The following SOX5 variants were observed in gnomAD, a reference collection of about 807,000 sequenced individuals.
SOX5 encodes transcription factor SOX-5.
A neutral mutation model predicts 92.0 loss-of-function variants in SOX5; 9 were observed. That is an observed-to-expected ratio of 0.10 (90% confidence interval 0.06 to 0.17). The LOEUF is 0.17. SOX5 is among the 10% of genes least tolerant of loss of function. The pLI is 1.00. For missense variants in SOX5, 642 were observed against 944.5 expected (o/e 0.68, Z 4.20); for synonymous variants, 344 against 336.3 (o/e 1.02, Z -0.25).
At chr12:23,812,439 G>A (rs2095892379) in intron 3 of SOX5, among the ~76,000 whole-genome samples, 1 of 151,518 alleles carries the variant, frequency 6.6e-6, no homozygotes, top group South Asian at 2.1e-4. Context: ...ATATCTTAAA[G>A]TAATTTCCAA....
chr12:24,084,690 A>G (rs1262753569), intron 4 of SOX5, among the ~76,000 whole-genome samples: 1 of 152,054 alleles, frequency 6.6e-6, no homozygotes, highest in Non-Finnish European at 1.5e-5. Flanking sequence ...TAGTTTCAAA[A>G]GTGGTGCTCC....
rs539753694 is a variant in SOX5, at chr12:24,021,040, G to A, written c.-1-125016C>T. ...CCTGAGAAAGGTCTTCACCAGCAGC[G>A]ACAGAGTCACAACCACCACAGGAGC... is the stretch of plus-strand genomic sequence containing the variant. On this transcript the variant is annotated intron_variant, in intron 4 of 4. Transcript: ENST00000446891. Among the ~76,000 whole-genome samples, 14 of 152,282 alleles carry A rather than the reference G, an allele frequency of 9.2e-5. No individual in the cohort carries two copies. In the South Asian group the frequency reaches 2.3e-3, roughly 25 times the overall value.
chr12:23,814,280 A>G (rs2095940251), intron 3 of SOX5, among the ~76,000 whole-genome samples: 2 of 152,120 alleles, frequency 1.3e-5, no homozygotes, highest in Admixed American at 6.6e-5. Flanking sequence ...CCCTTCACAT[A>G]CTTGCTGGTA....
At chr12:24,004,860 A>T (rs932694531) in intron 4 of SOX5, among the ~76,000 whole-genome samples, 6 of 152,184 alleles carry the variant, frequency 3.9e-5, no homozygotes, top group Non-Finnish European at 7.4e-5. Flanking sequence ...ATTGAAAAAT[A>T]ATCCAGATTT....
In SOX5 at chr12:24,394,291, C is replaced by T. The variant is rs139074730; in HGVS notation, c.-250-25652G>A. On this transcript the variant is annotated intron_variant, in intron 1 of 4. Transcript: ENST00000446891. Reference sequence around the variant, plus strand: ...AGAACCCTACTATAGCCGAGAGAAGCCAAGAAACAGCACAGAGAGGTGCCA... The same window carrying T: ...AGAACCCTACTATAGCCGAGAGAAGTCAAGAAACAGCACAGAGAGGTGCCA... Among the ~76,000 whole-genome samples the T allele has an allele frequency of 1.7e-4, 26 of 152,220 alleles. No homozygotes were observed. The East Asian group carries it at 4.4e-3, about 26-fold the overall frequency.
chr12:24,246,372 A>C (rs896173039), intron 3 of SOX5, among the ~76,000 whole-genome samples: 5 of 152,062 alleles, frequency 3.3e-5, no homozygotes, highest in Admixed American at 2.6e-4. Context: ...AATGTTTCAA[A>C]CTTAAAAAAA....
chr12:24,146,938 A>G (rs996728668), intron 4 of SOX5, among the ~76,000 whole-genome samples: 1 of 152,176 alleles, frequency 6.6e-6, no homozygotes, highest in African/African-American at 2.4e-5. Flanking sequence ...AAGAATAAAT[A>G]GATAACACAA....
chr12:23,534,229 T>C lies in SOX5; in HGVS notation c.2282A>G (p.Gln761Arg). Residue 761 changes from glutamine (Q) to arginine (R), a missense_variant, in exon 15 of 15, where the codon CAA becomes CGA. Around this residue, in one of 8 missense-constraint regions of SOX5, gnomAD observed 130 missense variants for 140.6 expected, o/e 0.92. Transcript: ENST00000451604. Reference sequence around the variant, plus strand: ...ATCTTTTGACCCTTATCAGTTGGCTTGTCCTGCAATATGGTTTTCACTGTC... The same window carrying C: ...ATCTTTTGACCCTTATCAGTTGGCTCGTCCTGCAATATGGTTTTCACTGTC... ...GSDSENHIAG[Q>R]AN 1 of 1,613,676 alleles carries C rather than the reference T, an allele frequency of 6.2e-7. No homozygotes were observed. Among genetic ancestry groups the C allele is most frequent in the Non-Finnish European group, 8.5e-7 (1 of 1,179,624 alleles).
chr12:24,017,423 C>T (rs1706693533), intron 4 of SOX5, among the ~76,000 whole-genome samples: 1 of 151,934 alleles, frequency 6.6e-6, no homozygotes, highest in South Asian at 2.1e-4. Flanking sequence ...TGGTGAAACC[C>T]CCATCTCTAC....
At chr12:24,374,918 G>A (rs1460195783) in intron 1 of SOX5, among the ~76,000 whole-genome samples, 1 of 152,204 alleles carries the variant, frequency 6.6e-6, no homozygotes, top group African/African-American at 2.4e-5. Context: ...AGGCATCATT[G>A]TTCTCAGGGC....
intron 1 of SOX5, among the ~76,000 whole-genome samples, chr12:23,912,828 G>A (rs745701604): frequency 2.0e-5 from 3 of 152,086 alleles, no homozygotes; most frequent in Non-Finnish European, 2.9e-5. Context: ...TCTAGGGTAG[G>A]GTATGGGGGT....
intron 4 of SOX5, among the ~76,000 whole-genome samples, chr12:24,082,250 C>T (rs1188924141): frequency 1.3e-5 from 2 of 151,406 alleles, no homozygotes; most frequent in African/African-American, 2.4e-5. Context: ...TTAGTGTTAT[C>T]AGTATTATAA....
chr12:23,938,633 T>C (rs1440827632), intron 1 of SOX5, among the ~76,000 whole-genome samples: 2 of 150,994 alleles, frequency 1.3e-5, no homozygotes, highest in African/African-American at 4.8e-5. Context: ...AGCAAATTCA[T>C]TACTCAAATA....
chr12:24,205,797 T>C (rs1298648355), intron 4 of SOX5, among the ~76,000 whole-genome samples: 2 of 152,220 alleles, frequency 1.3e-5, no homozygotes, highest in African/African-American at 2.4e-5. Context: ...CTCGGATACA[T>C]GCACACATTT....
At chr12:23,811,382 C>T (rs7977248) in intron 3 of SOX5, among the ~76,000 whole-genome samples, 15 of 152,026 alleles carry the variant, frequency 9.9e-5, no homozygotes, top group African/African-American at 3.6e-4. Context: ...ATAAAGTTTG[C>T]CCTTCAAAAT....
At chr12:24,552,420 G>A (rs1953283355) in intron 1 of SOX5, among the ~76,000 whole-genome samples, 1 of 152,188 alleles carries the variant, frequency 6.6e-6, no homozygotes, top group Admixed American at 6.5e-5. Context: ...CAGGGTTACA[G>A]CACTACACCT....
chr12:24,014,380 A>T (rs574470093), intron 4 of SOX5, among the ~76,000 whole-genome samples: 1 of 152,290 alleles, frequency 6.6e-6, no homozygotes, highest in East Asian at 1.9e-4. Context: ...GGTTTAGCCA[A>T]CCTGCCTAAA....
chr12:23,884,851 A>C (rs1338764672), intron 2 of SOX5, among the ~76,000 whole-genome samples: 1 of 152,228 alleles, frequency 6.6e-6, no homozygotes, highest in Admixed American at 6.5e-5. Flanking sequence ...TGGTACACAG[A>C]AAACATTGAA....
rs536940522 is a variant in SOX5, at chr12:24,196,827, G to A, written c.-2+16516C>T. On this transcript the variant is annotated intron_variant, in intron 4 of 4. Transcript: ENST00000446891. ...CTGAGTTGGGAGGATTGCTTGAGCCGGGGAGGTGGAGGTTGCAGTGAGTCG... is the reference window on the plus strand; with the variant it reads ...CTGAGTTGGGAGGATTGCTTGAGCCAGGGAGGTGGAGGTTGCAGTGAGTCG... Among the ~76,000 whole-genome samples, 8 of 152,152 alleles carry A rather than the reference G, an allele frequency of 5.3e-5. No homozygotes were observed. In the East Asian group the frequency reaches 1.2e-3, roughly 22 times the overall value.
Sources: gnomAD v4.1 joint callset for allele counts (sites outside exome capture counted in the v4.1 genomes callset) on GRCh38, gnomAD v4.1.1 for gene constraint, gnomAD v4.1.1 regional missense constraint, MANE v1.5 for transcripts, NCBI Gene and HGNC (gene_info 2026-07-23, HGNC 2026-07-21) for gene names.